SCD5: variants seen among roughly 807,000 people sequenced by gnomAD.
SCD5 encodes acyl-CoA-desaturase 4.
A neutral mutation model predicts 30.4 loss-of-function variants in SCD5; 20 were observed. That is an observed-to-expected ratio of 0.66 (90% CI 0.46 to 0.96). SCD5 has a LOEUF of 0.96. Among genes scored for constraint, SCD5 ranks in the 40% least tolerant of loss-of-function variants. The pLI, the probability that SCD5 is intolerant of heterozygous loss-of-function variation, is 0.00. For synonymous variants in SCD5, 173 were observed against 176.4 expected, an observed-to-expected ratio of 0.98 and a Z score of 0.16; for missense variants, 381 against 443.3, an observed-to-expected ratio of 0.86 and a Z score of 1.26.
chr4:82,711,903 T>C (rs1375208929), intron 1 of SCD5, among the ~76,000 whole-genome samples: 2 of 151,994 alleles, frequency 1.3e-5, no homozygotes, highest in Non-Finnish European at 2.9e-5. Context: ...ATTTCTGATA[T>C]TATTTCATAA....
chr4:82,653,959 C>T (rs529697572), intron 3 of SCD5, among the ~76,000 whole-genome samples: 1 of 151,886 alleles, frequency 6.6e-6, no homozygotes, highest in South Asian at 2.1e-4. Context: ...GCTCTGTCAC[C>T]CAGGCTGGAG....
At chr4:82,700,829 A>G (rs1560537671) in intron 2 of SCD5, among the ~76,000 whole-genome samples, 1 of 145,206 alleles carries the variant, frequency 6.9e-6, no homozygotes, top group Non-Finnish European at 1.5e-5. Context: ...AAAAAAAGAC[A>G]TTCTCAGACA....
intron 3 of SCD5, among the ~76,000 whole-genome samples, chr4:82,671,717 A>G (rs1728329014): frequency 1.3e-5 from 2 of 152,180 alleles, no homozygotes; most frequent in African/African-American, 4.8e-5. Context: ...GTCTCTACTA[A>G]AAACACAAAA....
At chr4:82,723,325 C>A (rs1720408137) in intron 1 of SCD5, among the ~76,000 whole-genome samples, 1 of 152,122 alleles carries the variant, frequency 6.6e-6, no homozygotes, top group Admixed American at 6.6e-5. Context: ...CCAAGAAGTT[C>A]TTTTCACAAA....
At chr4:82,796,659 G>C (rs1187022801) in intron 1 of SCD5, among the ~76,000 whole-genome samples, 1 of 152,094 alleles carries the variant, frequency 6.6e-6, no homozygotes, top group Non-Finnish European at 1.5e-5. Flanking sequence ...AGCACTCTCT[G>C]AACACCACAG....
At chr4:82,660,816 C>T in intron 3 of SCD5, 2 of 1,610,516 alleles carry the variant, frequency 1.2e-6, no homozygotes, top group Non-Finnish European at 1.7e-6. Context: ...TGTGGAGTCC[C>T]CGTCTGTTAT....
chr4:82,634,724 G>C (rs1577998140), intron 4 of SCD5, among the ~76,000 whole-genome samples: 1 of 152,264 alleles, frequency 6.6e-6, no homozygotes, highest in Middle Eastern at 3.4e-3. Context: ...CATACTGCTT[G>C]AGTTTCCTGG....
At chr4:82,715,064 C>T (rs755289321) in intron 1 of SCD5, among the ~76,000 whole-genome samples, 2 of 151,228 alleles carry the variant, frequency 1.3e-5, no homozygotes, top group Non-Finnish European at 2.9e-5. Flanking sequence ...TGATGAAACC[C>T]CGCCTCTACT....
At chr4:82,647,512 C>A (rs1727656762) in intron 3 of SCD5, among the ~76,000 whole-genome samples, 1 of 152,158 alleles carries the variant, frequency 6.6e-6, no homozygotes, top group African/African-American at 2.4e-5. Flanking sequence ...AATGAACAGG[C>A]TGATATAACA....
At chr4:82,750,467 C>A (rs1721078329) in intron 1 of SCD5, among the ~76,000 whole-genome samples, 1 of 152,196 alleles carries the variant, frequency 6.6e-6, no homozygotes, top group Non-Finnish European at 1.5e-5. Flanking sequence ...CAAATAAGCA[C>A]ACTTTGTAAA....
intron 1 of SCD5, among the ~76,000 whole-genome samples, chr4:82,712,269 T>C (rs868180109): frequency 0.018 from 878 of 49,192 alleles, 170 homozygotes; most frequent in African/African-American, 0.12. Context: ...TATATATATA[T>C]ATATATATAT....
chr4:82,712,943 T>G (rs1401877781), intron 1 of SCD5, among the ~76,000 whole-genome samples: 1 of 152,218 alleles, frequency 6.6e-6, no homozygotes, highest in African/African-American at 2.4e-5. Context: ...AATCAGAACA[T>G]TTTCAAGGGT....
intron 1 of SCD5, among the ~76,000 whole-genome samples, chr4:82,723,688 G>A (rs1328833520): frequency 6.6e-6 from 1 of 152,172 alleles, no homozygotes; most frequent in Non-Finnish European, 1.5e-5. Flanking sequence ...TGCCAAATAT[G>A]CTTAACTTCA....
chr4:82,653,778 A>G (rs951879004), intron 3 of SCD5, among the ~76,000 whole-genome samples: 15 of 152,064 alleles, frequency 9.9e-5, no homozygotes, highest in Admixed American at 1.3e-4. Context: ...ATATGTATAT[A>G]GTTTCTCCAA....
At chr4:82,653,101 C>G (rs1727790628) in intron 3 of SCD5, among the ~76,000 whole-genome samples, 1 of 152,158 alleles carries the variant, frequency 6.6e-6, no homozygotes, top group South Asian at 2.1e-4. Flanking sequence ...CTCCAGTGAT[C>G]CCTGCTCATG....
intron 1 of SCD5, among the ~76,000 whole-genome samples, chr4:82,739,557 G>C (rs777389260): frequency 2.0e-5 from 3 of 152,264 alleles, no homozygotes; most frequent in Non-Finnish European, 4.4e-5. Flanking sequence ...GTGTGCGGTG[G>C]TGGCCCAGGC....
chr4:82,704,192 A>AT (rs1719920630), intron 2 of SCD5, among the ~76,000 whole-genome samples: 2 of 152,232 alleles, frequency 1.3e-5, no homozygotes, highest in Non-Finnish European at 2.9e-5. Flanking sequence ...CACTTAGTGA[A>AT]ATATTCCGCA....
At chr4:82,736,544 G>A (rs1223706595) in intron 1 of SCD5, among the ~76,000 whole-genome samples, 1 of 152,060 alleles carries the variant, frequency 6.6e-6, no homozygotes, top group Non-Finnish European at 1.5e-5. Context: ...GGAGGCAGAG[G>A]TTGCAGTGAG....
intron 3 of SCD5, among the ~76,000 whole-genome samples, chr4:82,643,033 A>T (rs531158918): frequency 2.0e-5 from 3 of 152,180 alleles, no homozygotes; most frequent in African/African-American, 7.2e-5. Flanking sequence ...GCAAATAATT[A>T]ATTTAGGAGT....
Sources: gnomAD v4.1 joint callset for allele counts (sites outside exome capture counted in the v4.1 genomes callset) on GRCh38, gnomAD v4.1.1 for gene constraint, MANE v1.5 for transcripts, NCBI Gene and HGNC (gene_info 2026-07-23, HGNC 2026-07-21) for gene names.